Variants in GPC6 observed in about 807,000 individuals in gnomAD.
GPC6 encodes the protein glypican-6.
GPC6 carries 14 observed loss-of-function variants against 55.2 expected under a neutral mutation model. The ratio of observed to expected loss-of-function variants is 0.25; its 90% confidence interval spans 0.17 to 0.40. The LOEUF is 0.40. GPC6 is among the 10% of genes least tolerant of loss of function. GPC6 has a pLI of 1.00. For missense variants in GPC6, 641 were observed against 708.5 expected, an observed-to-expected ratio of 0.90 and a Z score of 1.08; for synonymous variants, 278 against 259.6, an observed-to-expected ratio of 1.07 and a Z score of -0.68.
chr13:93,326,769 A>G (rs1314868960), intron 1 of GPC6, among the ~76,000 whole-genome samples: 1 of 152,200 alleles, frequency 6.6e-6, no homozygotes, highest in Non-Finnish European at 1.5e-5. Context: ...ACTCTAATCC[A>G]TAAAATCTGA....
rs193224907 is a variant in GPC6, at chr13:93,244,315, G to A, written c.160+16699G>A. Among the ~76,000 whole-genome samples, 548 of 152,278 alleles carry A rather than the reference G, an allele frequency of 3.6e-3. 2 individuals are homozygous for A. Among genetic ancestry groups the A allele is most frequent in the African/African-American group, 0.012 (508 of 41,554 alleles). ...CCACAGTGCAAGACTGCCACACACT[G>A]CAAGACTTCCCCCGCAAGACAGAAA... On this transcript the variant is annotated intron_variant, in intron 1 of 8. Coordinates refer to ENST00000377047, the MANE Select transcript of GPC6 (RefSeq NM_005708.5).
chr13:93,822,006 A>T (rs1034156633), intron 2 of GPC6, among the ~76,000 whole-genome samples: 1 of 125,754 alleles, frequency 8.0e-6, no homozygotes, highest in Non-Finnish European at 1.6e-5. Context: ...TATAATTGTT[A>T]TATGTATATA....
rs370456968 is a variant in GPC6, at chr13:93,496,105, T to G, written c.161-49158T>G. On this transcript the variant is annotated intron_variant, in intron 1 of 8. Coordinates refer to ENST00000377047, the MANE Select transcript of GPC6 (RefSeq NM_005708.5). ...TACCTAAGCAAGCCTGGGCAATGGT[T>G]GGCGCCCCTCCCCCAGCCTTGCTGC... Among the ~76,000 whole-genome samples, 40 of 152,264 alleles carry G rather than the reference T, an allele frequency of 2.6e-4. 1 individual carries two copies. Among genetic ancestry groups the G allele is most frequent in the South Asian group, 6.2e-4 (3 of 4,826 alleles).
chr13:93,843,354 C>T (rs1300067134), intron 3 of GPC6, among the ~76,000 whole-genome samples: 4 of 152,118 alleles, frequency 2.6e-5, no homozygotes, highest in African/African-American at 9.7e-5. Flanking sequence ...CTGGAATTTA[C>T]TGATCACTTT....
rs529302806 is a variant in GPC6, at chr13:94,249,987, A to G, written c.878-36362A>G. Among the ~76,000 whole-genome samples the G allele has an allele frequency of 3.3e-5, 5 of 152,258 alleles. No individual in the cohort carries two copies. The East Asian group carries it at 5.8e-4, about 18-fold the overall frequency. ...GGCAACACATATTTGCTCTTCCTAT[A>G]TTAAAGAATCTGTCATTTTATAAAA... On this transcript the variant is annotated intron_variant, in intron 4 of 8. Transcript: ENST00000377047.
intron 2 of GPC6, among the ~76,000 whole-genome samples, chr13:93,644,471 A>T (rs973762648): frequency 2.0e-5 from 3 of 152,062 alleles, no homozygotes; most frequent in Admixed American, 6.6e-5. Flanking sequence ...CTACTTAAAC[A>T]AATTATGGCG....
intron 6 of GPC6, among the ~76,000 whole-genome samples, chr13:94,373,813 A>G (rs1879704626): frequency 6.6e-6 from 1 of 152,172 alleles, no homozygotes; most frequent in Non-Finnish European, 1.5e-5. Flanking sequence ...GCAGCCAGAG[A>G]GAAAGGTCGG....
At chr13:93,548,063 A>G (rs562208769) in intron 2 of GPC6, among the ~76,000 whole-genome samples, 1 of 152,186 alleles carries the variant, frequency 6.6e-6, no homozygotes, top group Non-Finnish European at 1.5e-5. Flanking sequence ...ATCTAGGTCC[A>G]GTTATGGAAT....
At chr13:93,717,381 A>G (rs901468117) in intron 2 of GPC6, among the ~76,000 whole-genome samples, 1 of 151,594 alleles carries the variant, frequency 6.6e-6, no homozygotes, top group Non-Finnish European at 1.5e-5. Flanking sequence ...GTGTAAATAA[A>G]ATCTACCTGA....
At chr13:93,509,865 A>T (rs1040104311) in intron 1 of GPC6, among the ~76,000 whole-genome samples, 3 of 152,208 alleles carry the variant, frequency 2.0e-5, no homozygotes, top group African/African-American at 4.8e-5. Context: ...TTTGTTTTGC[A>T]TAATAGTTAG....
intron 1 of GPC6, among the ~76,000 whole-genome samples, chr13:93,327,841 T>C (rs988386438): frequency 2.0e-5 from 3 of 152,000 alleles, no homozygotes; most frequent in African/African-American, 7.2e-5. Context: ...GTTAAACTCA[T>C]ATTTTAAGCC....
chr13:93,406,938 A>C (rs1286160294), intron 1 of GPC6, among the ~76,000 whole-genome samples: 1 of 152,208 alleles, frequency 6.6e-6, no homozygotes, highest in African/African-American at 2.4e-5. Flanking sequence ...GGGACATAGC[A>C]ACAAAATGTA....
chr13:93,568,522 A>AT (rs1876249749), intron 2 of GPC6, among the ~76,000 whole-genome samples: 1 of 152,188 alleles, frequency 6.6e-6, no homozygotes, highest in South Asian at 2.1e-4. Context: ...CGACTGTTCT[A>AT]TACACATACC....
chr13:93,747,386 C>A (rs1884431759), intron 2 of GPC6, among the ~76,000 whole-genome samples: 1 of 152,156 alleles, frequency 6.6e-6, no homozygotes, highest in South Asian at 2.1e-4. Flanking sequence ...AACCTAGTAT[C>A]TTCCTGAAAC....
chr13:93,318,902 C>G lies in GPC6; in HGVS notation c.160+91286C>G, dbSNP rs76558551. On this transcript the variant is annotated intron_variant, in intron 1 of 8. Coordinates refer to ENST00000377047, the MANE Select transcript of GPC6 (RefSeq NM_005708.5). ...TATGTTATAGCTTTCCCTGCATGAACAGACACTGACTACTGGAGTGCCCTT... is the reference window on the plus strand; with the variant it reads ...TATGTTATAGCTTTCCCTGCATGAAGAGACACTGACTACTGGAGTGCCCTT... Among the ~76,000 whole-genome samples the G allele has an allele frequency of 2.1e-3, 319 of 152,236 alleles. 2 individuals are homozygous for G. The highest frequency in any genetic ancestry group is 7.5e-3 in the African/African-American group (312 of 41,548).
At chr13:94,189,060 A>T (rs531178552) in intron 4 of GPC6, among the ~76,000 whole-genome samples, 2 of 152,240 alleles carry the variant, frequency 1.3e-5, no homozygotes, top group East Asian at 3.9e-4. Context: ...GCTTCACCTT[A>T]TATCACCCAG....
intron 2 of GPC6, among the ~76,000 whole-genome samples, chr13:93,742,778 A>G (rs1884253663): frequency 6.6e-6 from 1 of 152,228 alleles, no homozygotes; most frequent in African/African-American, 2.4e-5. Context: ...TGGTGACAGA[A>G]TCAATATTCA....
chr13:93,354,653 C>T (rs868379857), intron 1 of GPC6, among the ~76,000 whole-genome samples: 4 of 151,660 alleles, frequency 2.6e-5, no homozygotes, highest in Admixed American at 6.6e-5. Context: ...CGTGAGCCAC[C>T]GCACCCAGCC....
intron 2 of GPC6, among the ~76,000 whole-genome samples, chr13:93,573,538 C>G (rs1320826716): frequency 2.0e-5 from 3 of 151,832 alleles, no homozygotes; most frequent in African/African-American, 7.3e-5. Context: ...AAGAGATTTT[C>G]AAAACCAACC....
Sources: allele counts gnomAD v4.1 joint callset (sites outside exome capture counted in the v4.1 genomes callset), GRCh38; gene constraint gnomAD v4.1.1; transcripts MANE v1.5; gene names NCBI Gene and HGNC (gene_info 2026-07-23, HGNC 2026-07-21).